ANKS1A: variants seen among roughly 807,000 people sequenced by gnomAD.
The protein encoded by ANKS1A is ankyrin repeat and SAM domain-containing protein 1A.
ANKS1A carries 55 observed loss-of-function variants against 120.3 expected under a neutral mutation model. That is an observed-to-expected ratio of 0.46 (90% CI 0.37 to 0.57). ANKS1A has a LOEUF of 0.57. Ranked by LOEUF, ANKS1A falls within the 20% of genes least tolerant of loss-of-function variation. The pLI, the probability that ANKS1A is intolerant of heterozygous loss-of-function variation, is 0.00. For missense variants in ANKS1A, 1,123 were observed against 1,480.3 expected (o/e 0.76, Z 3.96); for synonymous variants, 590 against 604.7 (o/e 0.98, Z 0.36).
At chr6:35,066,107 C>CT (rs986750014) in intron 13 of ANKS1A, among the ~76,000 whole-genome samples, 1 of 152,220 alleles carries the variant, frequency 6.6e-6, no homozygotes, top group African/African-American at 2.4e-5. Flanking sequence ...TGTTCGTCGT[C>CT]TGTCACGCGG....
intron 1 of ANKS1A, among the ~76,000 whole-genome samples, chr6:34,946,396 C>T (rs543675233): frequency 7.2e-5 from 11 of 151,922 alleles, no homozygotes; most frequent in Middle Eastern, 3.4e-3. Context: ...AAGACCAGCC[C>T]GGCCAATATG....
chr6:34,897,190 T>C (rs1767131881), intron 1 of ANKS1A, among the ~76,000 whole-genome samples: 1 of 152,074 alleles, frequency 6.6e-6, no homozygotes, highest in Admixed American at 6.6e-5. Flanking sequence ...CTTTCTTAGT[T>C]GCAAAAATTA....
intron 10 of ANKS1A, among the ~76,000 whole-genome samples, chr6:35,011,353 T>C (rs2127553421): frequency 6.6e-6 from 1 of 152,266 alleles, no homozygotes; most frequent in East Asian, 1.9e-4. Flanking sequence ...GCTATTAAAT[T>C]AGGCATGGTT....
rs1777866266 is a variant in ANKS1A, at chr6:35,084,583, C to T, written c.3132+325C>T. Among the ~76,000 whole-genome samples, 1 of 151,786 alleles carries T rather than the reference C, an allele frequency of 6.6e-6. No homozygotes were observed. Among genetic ancestry groups the T allele is most frequent in the Non-Finnish European group, 1.5e-5 (1 of 67,956 alleles). On this transcript the variant is annotated intron_variant, in intron 21 of 23. Transcript: ENST00000360359. This position sits in a 1 kb window ranked among gnomAD's most constrained non-coding sequence, Gnocchi z 4.8. ...GTTCAGGCAAGTTACCCACCTCAGC[C>T]TCCCACGTAACTGGATAATAGGCGT...
intron 13 of ANKS1A, among the ~76,000 whole-genome samples, chr6:35,074,473 T>C (rs1033175562): frequency 1.3e-5 from 2 of 150,340 alleles, no homozygotes; most frequent in African/African-American, 4.9e-5. Context: ...GGTACATGCC[T>C]ATGGTACCAG....
chr6:34,990,777 T>C (rs1333326614), intron 9 of ANKS1A, among the ~76,000 whole-genome samples: 1 of 152,218 alleles, frequency 6.6e-6, no homozygotes, highest in Non-Finnish European at 1.5e-5. Context: ...GAGTTTGAGA[T>C]ACATTTTCTA....
At position 34,889,717 on chromosome 6, in the gene ANKS1A, C is replaced by G. The variant is rs1253439579; in HGVS notation, c.197+118C>G. Reference sequence around the variant, plus strand: ...CGGGCGGGGTGGGCTTGTGGCGTGCCCGGGGCGAGGCAGGCGGCCCGCGGG... The same window carrying G: ...CGGGCGGGGTGGGCTTGTGGCGTGCGCGGGGCGAGGCAGGCGGCCCGCGGG... On this transcript the variant is annotated intron_variant, in intron 1 of 23. Transcript: ENST00000360359. This position sits in a 1 kb window ranked among gnomAD's most constrained non-coding sequence, Gnocchi z 5.5. 2.6e-6 allele frequency: 3 copies of G among 1,162,118 alleles called. No homozygotes were observed. In the African/African-American group the frequency reaches 4.9e-5, roughly 19 times the overall value. 72.0% of individuals were successfully genotyped at this position (1,162,118 alleles called of 1,614,324 possible). A position where few individuals can be genotyped will look rare whatever the true frequency, so the allele number is the denominator to read the frequency against.
intron 10 of ANKS1A, among the ~76,000 whole-genome samples, chr6:34,996,681 C>T (rs1045648184): frequency 6.6e-6 from 1 of 152,146 alleles, no homozygotes. Context: ...CCATGTTGGC[C>T]AGGATGGTCT....
chr6:34,924,743 T>A (rs1414644035), intron 1 of ANKS1A, among the ~76,000 whole-genome samples: 1 of 152,226 alleles, frequency 6.6e-6, no homozygotes, highest in Non-Finnish European at 1.5e-5. Context: ...TCAAGATTCC[T>A]GATTTCAGGA....
chr6:34,951,561 CT>C (rs923753286), intron 1 of ANKS1A, among the ~76,000 whole-genome samples: 3 of 152,174 alleles, frequency 2.0e-5, no homozygotes, highest in African/African-American at 7.2e-5. Flanking sequence ...TGCTTTGGGA[CT>C]TTTAGGAAAT....
Position 35,057,214 on chromosome 6 carries a change from C to A in ANKS1A, c.2078-2933C>A, listed in dbSNP as rs1164162814. On this transcript the variant is annotated intron_variant, in intron 12 of 23. Transcript: ENST00000360359. This position sits in a 1 kb window ranked among gnomAD's most constrained non-coding sequence, Gnocchi z 4.1. ...GGCCCCTGGGCTGCCACCACTGGAGCTAGTTAGCTGAATCGCCAACAGAAG... is the reference window on the plus strand; with the variant it reads ...GGCCCCTGGGCTGCCACCACTGGAGATAGTTAGCTGAATCGCCAACAGAAG... 2.0e-5 allele frequency among the ~76,000 whole-genome samples: 3 copies of A among 152,106 alleles called. No individual in the cohort carries two copies. The highest frequency in any genetic ancestry group is 7.2e-5 in the African/African-American group (3 of 41,430).
At chr6:35,061,479 A>C (rs987506606) in intron 13 of ANKS1A, among the ~76,000 whole-genome samples, 1 of 151,916 alleles carries the variant, frequency 6.6e-6, no homozygotes, top group Non-Finnish European at 1.5e-5. Context: ...TCTGTTCTCT[A>C]ATGGGGGCTT....
chr6:35,002,993 T>G (rs2127545463), intron 10 of ANKS1A, among the ~76,000 whole-genome samples: 1 of 147,232 alleles, frequency 6.8e-6, no homozygotes, highest in East Asian at 2.0e-4. Context: ...ATACTAGATA[T>G]GTGGACATAG....
At chr6:34,918,944 C>T (rs1217717402) in intron 1 of ANKS1A, among the ~76,000 whole-genome samples, 2 of 152,250 alleles carry the variant, frequency 1.3e-5, no homozygotes, top group East Asian at 1.9e-4. Flanking sequence ...ACCCGCCTCC[C>T]GGGTTCAAGC....
At chr6:34,921,915 T>C (rs1036183547) in intron 1 of ANKS1A, among the ~76,000 whole-genome samples, 8 of 152,152 alleles carry the variant, frequency 5.3e-5, no homozygotes, top group African/African-American at 1.9e-4. Flanking sequence ...AGGCTGGTCT[T>C]GAACTCCTGG....
intron 1 of ANKS1A, among the ~76,000 whole-genome samples, chr6:34,924,326 G>C (rs1213074727): frequency 5.3e-5 from 8 of 152,032 alleles, no homozygotes; most frequent in Admixed American, 3.3e-4. Context: ...TGTCATTATA[G>C]TCCTCATAAA....
At chr6:34,907,606 C>T (rs546078175) in intron 1 of ANKS1A, among the ~76,000 whole-genome samples, 46 of 152,210 alleles carry the variant, frequency 3.0e-4, no homozygotes, top group African/African-American at 9.9e-4. Flanking sequence ...TTCTGTAAAA[C>T]GTTGACATAA....
chr6:35,041,267 G>C (rs984210252), intron 11 of ANKS1A, among the ~76,000 whole-genome samples: 8 of 152,142 alleles, frequency 5.3e-5, no homozygotes, highest in African/African-American at 1.9e-4. Context: ...AAAGCCCCTA[G>C]AGAACAGTTG....
intron 10 of ANKS1A, among the ~76,000 whole-genome samples, chr6:34,995,161 T>G (rs1421968230): frequency 6.6e-6 from 1 of 152,202 alleles, no homozygotes; most frequent in Non-Finnish European, 1.5e-5. Flanking sequence ...ATGCGTACCT[T>G]CTTTCAACCC....
Sources: allele counts gnomAD v4.1 joint callset (sites outside exome capture counted in the v4.1 genomes callset), GRCh38; gene constraint gnomAD v4.1.1; non-coding constraint Gnocchi (gnomAD v3.1); transcripts MANE v1.5; gene names NCBI Gene and HGNC (gene_info 2026-07-23, HGNC 2026-07-21).